Variants in TLK2 observed in about 807,000 individuals in gnomAD.
TLK2 encodes the protein serine/threonine-protein kinase tousled-like 2.
In TLK2, 6 loss-of-function variants were observed where a neutral mutation model predicts 117.3. That is an observed-to-expected ratio of 0.05 (90% CI 0.03 to 0.10). TLK2 has a LOEUF of 0.10. Ranked by LOEUF, TLK2 falls within the 10% of genes least tolerant of loss-of-function variation. TLK2 has a pLI of 1.00. For missense variants in TLK2, 299 were observed against 901.2 expected (o/e 0.33, Z 8.56); for synonymous variants, 257 against 316.7 (o/e 0.81, Z 2.00).
At chr17:62,544,415 A>G (rs567090131) in intron 7 of TLK2, among the ~76,000 whole-genome samples, 2 of 152,326 alleles carry the variant, frequency 1.3e-5, no homozygotes, top group South Asian at 4.1e-4. Context: ...CTTTTAAACC[A>G]TCAGATCTCG....
At chr17:62,523,239 T>A in intron 5 of TLK2, 62 bp downstream of exon 5, 2 of 1,566,392 alleles carry the variant, frequency 1.3e-6, no homozygotes, top group Non-Finnish European at 1.7e-6. Flanking sequence ...CTATAGTGAT[T>A]TTTTTTAAAA....
At chr17:62,534,355 A>G (rs1246600177) in intron 6 of TLK2, among the ~76,000 whole-genome samples, 3 of 152,228 alleles carry the variant, frequency 2.0e-5, no homozygotes, top group African/African-American at 7.2e-5. Flanking sequence ...ATCTGAACCC[A>G]GGAACATGAT....
chr17:62,552,882 A>T (rs1567906029), intron 8 of TLK2, among the ~76,000 whole-genome samples: 1 of 152,172 alleles, frequency 6.6e-6, no homozygotes, highest in Admixed American at 6.5e-5. Context: ...TAATTTATGA[A>T]AGTAGTTAAT....
At position 62,599,735 on chromosome 17, in the gene TLK2, G is replaced by A. The variant is rs190153211; in HGVS notation, c.1551-916G>A. On this transcript the variant is annotated intron_variant, in intron 17 of 21. Transcript: ENST00000346027. Reference sequence around the variant, plus strand: ...TGTATGATCAGTTCCCTGAATTAAAGTCTCTCTGTTTTAAATGTTCAGGTG... The same window carrying A: ...TGTATGATCAGTTCCCTGAATTAAAATCTCTCTGTTTTAAATGTTCAGGTG... Among the ~76,000 whole-genome samples, 3 of 152,252 alleles carry A rather than the reference G, an allele frequency of 2.0e-5. No individual in the cohort carries two copies. The East Asian group carries it at 5.8e-4, about 29-fold the overall frequency.
At chr17:62,574,171 C>T (rs965183198) in intron 12 of TLK2, among the ~76,000 whole-genome samples, 3 of 152,096 alleles carry the variant, frequency 2.0e-5, no homozygotes, top group Admixed American at 1.3e-4. Flanking sequence ...TATAATAATA[C>T]TTGTATTATA....
At chr17:62,568,389 G>A (rs1299260267) in intron 11 of TLK2, among the ~76,000 whole-genome samples, 1 of 143,224 alleles carries the variant, frequency 7.0e-6, no homozygotes, top group Non-Finnish European at 1.5e-5. Flanking sequence ...CCAAGATTGT[G>A]CCACTGCACT....
chr17:62,599,325 C>T (rs1427912113), intron 17 of TLK2, among the ~76,000 whole-genome samples: 2 of 152,194 alleles, frequency 1.3e-5, no homozygotes, highest in Non-Finnish European at 1.5e-5. Context: ...CCATGTGTGT[C>T]CATGTTCAAT....
chr17:62,536,738 A>AACT (rs2077138751), intron 7 of TLK2, among the ~76,000 whole-genome samples: 2 of 152,160 alleles, frequency 1.3e-5, no homozygotes, highest in South Asian at 4.1e-4. Context: ...TTTAGTATGT[A>AACT]GGCAGGCATT....
In TLK2 at chr17:62,536,280, G is replaced by C. The variant is rs749981826; in HGVS notation, c.474G>C (p.Arg158=). The change falls in exon 7 of 22, where the codon CGG becomes CGC. Residue 158 remains arginine (R), a synonymous_variant. Coordinates refer to ENST00000346027, the MANE Select transcript of TLK2 (RefSeq NM_006852.6). ...TLMSVMLAKP[R]LDTEQLAQRG... ...TGTCAGTGATGCTAGCAAAACCTCGGCTTGACACAGAGCAGCTGGCGCAAA... is the reference window on the plus strand; with the variant it reads ...TGTCAGTGATGCTAGCAAAACCTCGCCTTGACACAGAGCAGCTGGCGCAAA... The C allele has an allele frequency of 6.2e-7, 1 of 1,613,616 alleles. No individual in the cohort carries two copies.
intron 2 of TLK2, among the ~76,000 whole-genome samples, chr17:62,512,443 G>A (rs1442447680): frequency 2.0e-5 from 3 of 151,776 alleles, no homozygotes; most frequent in Non-Finnish European, 2.9e-5. Flanking sequence ...GGCTGGTCTC[G>A]AACTCCTGAC....
intron 15 of TLK2, among the ~76,000 whole-genome samples, chr17:62,582,932 A>G (rs980567428): frequency 2.0e-5 from 3 of 152,212 alleles, no homozygotes; most frequent in Admixed American, 2.0e-4. Flanking sequence ...CTCAAGGTTC[A>G]TCTGTGCTAT....
chr17:62,577,330 C>A lies in TLK2; in HGVS notation c.1188+555C>A, dbSNP rs553972765. On this transcript the variant is annotated intron_variant, in intron 13 of 21. Transcript: ENST00000346027. The stretch of plus-strand genomic sequence containing the variant: ...AGTGTTTTTCCCCCTAGTGATCTAT[C>A]AGCAGATAATTCTGTACACATCATA... Among the ~76,000 whole-genome samples the A allele has an allele frequency of 4.6e-5, 7 of 152,186 alleles. No homozygotes were observed. In the South Asian group the frequency reaches 1.5e-3, roughly 32 times the overall value.
intron 12 of TLK2, among the ~76,000 whole-genome samples, chr17:62,576,324 T>C (rs1038698722): frequency 2.8e-4 from 42 of 152,212 alleles, no homozygotes; most frequent in African/African-American, 9.9e-4. Context: ...GTTTAAGTAT[T>C]AACAAGAATA....
At chr17:62,604,034 C>T (rs936593551) in intron 19 of TLK2, among the ~76,000 whole-genome samples, 4 of 151,024 alleles carry the variant, frequency 2.6e-5, no homozygotes, top group Non-Finnish European at 5.9e-5. Context: ...GACGGAGTTT[C>T]GCTCTTGTTG....
At chr17:62,488,262 A>T (rs1248469066) in intron 2 of TLK2, among the ~76,000 whole-genome samples, 1 of 152,172 alleles carries the variant, frequency 6.6e-6, no homozygotes, top group Admixed American at 6.6e-5. Flanking sequence ...TCTTTTATAA[A>T]TTTTTAAGTC....
chr17:62,493,939 G>T (rs2073380822), intron 2 of TLK2, among the ~76,000 whole-genome samples: 1 of 152,034 alleles, frequency 6.6e-6, no homozygotes, highest in African/African-American at 2.4e-5. Context: ...TGTATTTTTA[G>T]TAGAGACGGG....
chr17:62,489,174 C>CGTGTGTGTGTGT (rs59470331), intron 2 of TLK2, among the ~76,000 whole-genome samples: 4 of 140,812 alleles, frequency 2.8e-5, no homozygotes, highest in South Asian at 4.5e-4. Context: ...TTTAATTGTA[C>CGTGTGTGTGTGT]GTGTGTGTGT....
At chr17:62,561,012 G>T (rs538801631) in intron 10 of TLK2, among the ~76,000 whole-genome samples, 257 of 152,210 alleles carry the variant, frequency 1.7e-3, no homozygotes, top group Middle Eastern at 0.014. Context: ...GGTGTGTGAT[G>T]TTCCCCTTCC....
At chr17:62,504,001 T>C (rs972705909) in intron 2 of TLK2, among the ~76,000 whole-genome samples, 4 of 152,222 alleles carry the variant, frequency 2.6e-5, no homozygotes, top group Non-Finnish European at 5.9e-5. Context: ...CCCAAAGTGC[T>C]GGGATTACAG....
Sources: gnomAD v4.1 joint callset for allele counts (sites outside exome capture counted in the v4.1 genomes callset) on GRCh38, gnomAD v4.1.1 for gene constraint, MANE v1.5 for transcripts, NCBI Gene and HGNC (gene_info 2026-07-23, HGNC 2026-07-21) for gene names.